AK5: variants seen among roughly 807,000 people sequenced by gnomAD.
The protein encoded by AK5 is adenylate kinase isoenzyme 5.
A neutral mutation model predicts 69.5 loss-of-function variants in AK5; 27 were observed. The ratio of observed to expected loss-of-function variants is 0.39; its 90% CI spans 0.29 to 0.54. The LOEUF is 0.54. AK5 is among the 20% of genes least tolerant of loss of function. The pLI, the probability that AK5 is intolerant of heterozygous loss-of-function variation, is 0.71. For synonymous variants in AK5, 260 were observed against 244.4 expected (o/e 1.06, Z -0.60); for missense variants, 531 against 700.4 (o/e 0.76, Z 2.73).
intron 10 of AK5, among the ~76,000 whole-genome samples, chr1:77,505,058 C>G (rs1184102107): frequency 6.6e-6 from 1 of 152,106 alleles, no homozygotes; most frequent in African/African-American, 2.4e-5. Flanking sequence ...ACTTATATTG[C>G]CAAATTGCCC....
chr1:77,443,171 T>G (rs1353586475), intron 8 of AK5, among the ~76,000 whole-genome samples: 1 of 152,192 alleles, frequency 6.6e-6, no homozygotes, highest in East Asian at 1.9e-4. Context: ...GTCTTAGCAC[T>G]TGATTATACA....
intron 8 of AK5, among the ~76,000 whole-genome samples, chr1:77,459,412 C>G (rs1256787205): frequency 6.6e-6 from 1 of 152,130 alleles, no homozygotes; most frequent in Non-Finnish European, 1.5e-5. Flanking sequence ...TGTGCCCCAC[C>G]ACCACCACTA....
intron 6 of AK5, among the ~76,000 whole-genome samples, chr1:77,395,231 G>A (rs1170322283): frequency 6.6e-6 from 1 of 152,132 alleles, no homozygotes; most frequent in Non-Finnish European, 1.5e-5. Context: ...TTGTAAAAGT[G>A]GACATACTGC....
chr1:77,370,417 C>G (rs1299092692), intron 6 of AK5, among the ~76,000 whole-genome samples: 1 of 152,170 alleles, frequency 6.6e-6, no homozygotes, highest in African/African-American at 2.4e-5. Context: ...AGTAAACTTT[C>G]ACACCATGCA....
At position 77,411,010 on chromosome 1, in the gene AK5, G is replaced by A. The variant is rs753142005; in HGVS notation, c.921G>A (p.Val307=). ...ATGCCGACCGCGATGAGGATGAGGTGTTCTATGACATCAGCATGGCAGTTG... is the reference window on the plus strand; with the variant it reads ...ATGCCGACCGCGATGAGGATGAGGTATTCTATGACATCAGCATGGCAGTTG... ...TFDADRDEDE[V]FYDISMAVDN... is the part of the protein sequence containing the mutation. The change falls in exon 7 of 14, where the codon GTG becomes GTA. Residue 307 remains valine (V), a synonymous_variant. Transcript: ENST00000354567. 100 of 1,613,796 alleles carry A rather than the reference G, an allele frequency of 6.2e-5. No homozygotes were observed. In the Admixed American group the frequency reaches 1.7e-3, roughly 27 times the overall value.
chr1:77,368,245 A>AATATATATATGTTATATATAT lies in AK5; in HGVS notation c.891+27677_891+27678insATATATATATGTTATATATAT, dbSNP rs1553140323. ...TATATATATATATATATATATATATATATATATAATATATATGTTATATAT... is the reference window on the plus strand; with the variant it reads ...TATATATATATATATATATATATATAATATATATATGTTATATATATTATATATAATATATATGTTATATAT... On this transcript the variant is annotated intron_variant, in intron 6 of 13. Transcript: ENST00000354567. 7.3e-3 allele frequency among the ~76,000 whole-genome samples: 499 copies of AATATATATATGTTATATATAT among 67,898 alleles called. 45 individuals carry two copies. Among genetic ancestry groups the AATATATATATGTTATATATAT allele is most frequent in the South Asian group, 0.046 (82 of 1,798 alleles). The allele number at this position is 67,898 out of a possible 152,430, so 44.5% of individuals were successfully genotyped here.
intron 6 of AK5, among the ~76,000 whole-genome samples, chr1:77,367,610 A>ATATGTATGTT (rs1557532968): frequency 1.8e-5 from 1 of 55,414 alleles, no homozygotes; most frequent in East Asian, 3.9e-4. Flanking sequence ...ATATATATGT[A>ATATGTATGTT]ATATATATGT....
At chr1:77,531,660 T>C (rs891847905) in intron 12 of AK5, among the ~76,000 whole-genome samples, 2 of 152,116 alleles carry the variant, frequency 1.3e-5, no homozygotes, top group Non-Finnish European at 2.9e-5. Flanking sequence ...GACATAAAGG[T>C]TCTCCAAGTC....
intron 10 of AK5, among the ~76,000 whole-genome samples, chr1:77,487,216 A>C (rs61784771): frequency 0.035 from 5,402 of 152,306 alleles, 106 homozygotes; most frequent in Middle Eastern, 0.082. Context: ...CCCATTACCT[A>C]GTCTATTCCT....
At chr1:77,470,363 G>T (rs1273642856) in intron 8 of AK5, among the ~76,000 whole-genome samples, 1 of 152,140 alleles carries the variant, frequency 6.6e-6, no homozygotes, top group Non-Finnish European at 1.5e-5. Flanking sequence ...AAATTAGCCA[G>T]GCATGGTGGT....
At chr1:77,350,669 G>A (rs1662145490) in intron 6 of AK5, among the ~76,000 whole-genome samples, 2 of 152,156 alleles carry the variant, frequency 1.3e-5, no homozygotes, top group African/African-American at 4.8e-5. Context: ...GGGAGTAATT[G>A]GAAAAGTTCT....
intron 6 of AK5, among the ~76,000 whole-genome samples, chr1:77,377,734 G>C (rs12567557): frequency 0.43 from 65,007 of 152,010 alleles, 14,680 homozygotes; most frequent in Non-Finnish European, 0.5. Context: ...AAATACTAAT[G>C]GTTCCTTAAG....
At chr1:77,441,634 G>A (rs1259728799) in intron 8 of AK5, among the ~76,000 whole-genome samples, 1 of 152,202 alleles carries the variant, frequency 6.6e-6, no homozygotes, top group Admixed American at 6.5e-5. Flanking sequence ...TAGTGGCAGT[G>A]TTTATTGTTA....
chr1:77,395,783 GAGA>G (rs1437507399), intron 6 of AK5, among the ~76,000 whole-genome samples: 1 of 152,238 alleles, frequency 6.6e-6, no homozygotes, highest in Non-Finnish European at 1.5e-5. Context: ...TCGATGGGAT[GAGA>G]AGTTATTCGA....
At chr1:77,518,484 G>A in intron 10 of AK5, 80 bp from the exon 11 acceptor site, 11 of 1,460,828 alleles carry the variant, frequency 7.5e-6, no homozygotes, top group Non-Finnish European at 1.0e-5. Flanking sequence ...GAACACTGAG[G>A]CTTGCTCACC....
In AK5 at chr1:77,510,181, A is replaced by G. The variant is rs1476499125; in HGVS notation, c.1148-8383A>G. On this transcript the variant is annotated intron_variant, in intron 10 of 13. Coordinates refer to ENST00000354567, the MANE Select transcript of AK5 (RefSeq NM_174858.3). ...CACTGGCTCTTGTTAACAATTGTCT[A>G]TGACACTGGGCCAGGTTCTGTGGGG... Among the ~76,000 whole-genome samples the G allele has an allele frequency of 2.6e-5, 4 of 152,298 alleles. No homozygotes were observed. The East Asian group carries it at 5.8e-4, about 22-fold the overall frequency.
intron 6 of AK5, among the ~76,000 whole-genome samples, chr1:77,363,846 G>C (rs1036057585): frequency 6.6e-5 from 10 of 152,072 alleles, no homozygotes; most frequent in African/African-American, 2.4e-4. Context: ...CCACACTCCT[G>C]ATCCTTCCTA....
chr1:77,425,416 T>G lies in AK5; in HGVS notation c.1059+7701T>G, dbSNP rs571850738. On this transcript the variant is annotated intron_variant, in intron 8 of 13. Transcript: ENST00000354567. ...GCTTGGCCAACATGGTGAAACCCCA[T>G]CTCTACTAAAAATCCAAAAAATTGG... 7.9e-5 allele frequency among the ~76,000 whole-genome samples: 12 copies of G among 152,166 alleles called. No individual in the cohort carries two copies. In the South Asian group the frequency reaches 2.5e-3, roughly 32 times the overall value.
chr1:77,438,733 T>A (rs1334411172), intron 8 of AK5, among the ~76,000 whole-genome samples: 1 of 152,126 alleles, frequency 6.6e-6, no homozygotes, highest in Non-Finnish European at 1.5e-5. Context: ...AATATCAAAC[T>A]AGGCATGCAG....
Sources: allele counts gnomAD v4.1 joint callset (sites outside exome capture counted in the v4.1 genomes callset), GRCh38; gene constraint gnomAD v4.1.1; transcripts MANE v1.5; gene names NCBI Gene and HGNC (gene_info 2026-07-23, HGNC 2026-07-21).